The following DDX54 variants were observed in gnomAD, a reference collection of about 807,000 sequenced individuals.
The protein encoded by DDX54 is DEAD-box helicase 54.
A neutral mutation model predicts 105.5 loss-of-function variants in DDX54; 67 were observed. The observed-to-expected ratio is 0.64, with a 90% CI of 0.52 to 0.78. The LOEUF (loss-of-function observed/expected upper bound fraction) is 0.78, where lower values mean the gene tolerates loss of function less well. DDX54 is among the 30% of genes least tolerant of loss of function. The pLI, the probability that DDX54 is intolerant of heterozygous loss-of-function variation, is 0.00. For missense variants in DDX54, 1,206 were observed against 1,230.5 expected (o/e 0.98, Z 0.30); for synonymous variants, 514 against 509.9 (o/e 1.01, Z -0.11).
At chr12:113,184,933 T>C (rs1952509549) in intron 1 of DDX54, among the ~76,000 whole-genome samples, 1 of 152,126 alleles carries the variant, frequency 6.6e-6, no homozygotes, top group Non-Finnish European at 1.5e-5. Flanking sequence ...CGCTCCAAAC[T>C]CTCAAAGTCA....
rs1454202531 is a variant in DDX54, at chr12:113,172,465, G to A, written c.1167C>T (p.Cys389=). 2 of 1,614,272 alleles carry A rather than the reference G, an allele frequency of 1.2e-6. No homozygotes were observed. The highest frequency in any genetic ancestry group is 2.2e-5 in the East Asian group (1 of 44,884). ...CCAGGTCAGTCACAATGAGAGTGGA[G>A]CACTTGCCAAGCGTGAATTTGGCGA... ...INLAKFTLGK[C]STLIVTDLAA... Residue 389 remains cysteine, a synonymous_variant, in exon 11 of 20, where the codon TGC becomes TGT. Transcript: ENST00000306014.
intron 12 of DDX54, among the ~76,000 whole-genome samples, chr12:113,169,464 A>G (rs1566096218): frequency 6.6e-6 from 1 of 151,896 alleles, no homozygotes. Flanking sequence ...TAAAAATACA[A>G]TAAAAAATTT....
intron 10 of DDX54, among the ~76,000 whole-genome samples, chr12:113,173,244 G>A (rs532453231): frequency 3.8e-4 from 58 of 152,246 alleles, no homozygotes; most frequent in Non-Finnish European, 6.8e-4. Flanking sequence ...ACAGTCCCAG[G>A]TACTTCGGAG....
chr12:113,168,156 G>A (rs925991576), intron 12 of DDX54, among the ~76,000 whole-genome samples: 1 of 152,244 alleles, frequency 6.6e-6, no homozygotes, highest in Admixed American at 6.5e-5. Flanking sequence ...CTGCTATGGT[G>A]TCTGCTTTCC....
chr12:113,162,757 G>A (rs908595928), intron 17 of DDX54, 175 bp downstream of exon 17: 1 of 608,574 alleles, frequency 1.6e-6, no homozygotes, highest in Non-Finnish European at 2.8e-6. Flanking sequence ...CCCTGGGCCT[G>A]GAGGGGCAGC....
chr12:113,164,387 C>T, intron 14 of DDX54, 102 bp from the exon 15 acceptor site: 1 of 1,380,438 alleles, frequency 7.2e-7, no homozygotes, highest in Non-Finnish European at 9.6e-7. Flanking sequence ...CCAAGTCTTC[C>T]CCAGTGTCCA....
At chr12:113,178,844 T>G in intron 5 of DDX54, 133 bp downstream of exon 5, 1 of 1,240,970 alleles carries the variant, frequency 8.1e-7, no homozygotes, top group African/African-American at 1.5e-5. Context: ...GGCCCGGCCT[T>G]GTTGGGTTTT....
intron 17 of DDX54, 54 bp downstream of exon 17, chr12:113,162,878 G>C (rs1952226338): frequency 2.9e-5 from 43 of 1,495,212 alleles, no homozygotes; most frequent in Non-Finnish European, 3.8e-5. Flanking sequence ...CGGAGGAGCA[G>C]CTCACTCGGT....
Position 113,185,263 on chromosome 12 carries a change from G to T in DDX54, c.174+15C>A. 1 of 1,537,266 alleles carries T rather than the reference G, an allele frequency of 6.5e-7. No individual in the cohort carries two copies. On this transcript the variant is annotated intron_variant, in intron 1 of 19. Transcript: ENST00000306014. ...GTCTCGGGCCCGAACATGCGTCCCA[G>T]CCCCACGCGCCTACCTTCCGGGCCC...
chr12:113,164,434 C>T, intron 14 of DDX54, 149 bp from the exon 15 acceptor site: 1 of 1,024,434 alleles, frequency 9.8e-7, no homozygotes, highest in Admixed American at 2.8e-5. Context: ...CAGACCCAGA[C>T]CAGGCGCAGT....
In DDX54 at chr12:113,179,172, C is replaced by T; in HGVS notation, c.535G>A (p.Ala179Thr). The part of the protein sequence containing the change: ...ALILSPTREL[A>T]LQTLKFTKEL... The stretch of plus-strand genomic sequence containing the variant: ...TTAGTGAACTTCAGGGTCTGCAGGG[C>T]CAGCTCTCGGGTCGGCGAGAGGATG... The change falls in exon 4 of 20, where the codon GCC becomes ACC. Residue 179 changes from alanine (A) to threonine (T), a missense_variant. Physicochemically the swap from Ala to Thr is moderately conservative, Grantham distance 58. Coordinates refer to ENST00000306014, the MANE Select transcript of DDX54 (RefSeq NM_024072.4). 1 of 1,614,096 alleles carries T rather than the reference C, an allele frequency of 6.2e-7. No individual in the cohort carries two copies. Among genetic ancestry groups the T allele is most frequent in the Non-Finnish European group, 8.5e-7 (1 of 1,180,014 alleles).
intron 1 of DDX54, among the ~76,000 whole-genome samples, chr12:113,183,959 T>C (rs934777144): frequency 6.6e-6 from 1 of 152,116 alleles, no homozygotes; most frequent in African/African-American, 2.4e-5. Flanking sequence ...CTAATTTTTA[T>C]TTTTTGAGAC....
At chr12:113,171,680 C>T (rs1952341831) in intron 11 of DDX54, among the ~76,000 whole-genome samples, 1 of 151,802 alleles carries the variant, frequency 6.6e-6, no homozygotes, top group African/African-American at 2.4e-5. Context: ...CTCCACTGCA[C>T]ACTGGGAAAT....
At chr12:113,177,294 G>A in intron 5 of DDX54, 1 of 590,696 alleles carries the variant, frequency 1.7e-6, no homozygotes, top group Non-Finnish European at 3.0e-6. Flanking sequence ...GCAAAAGAAT[G>A]GTAACAACAG....
chr12:113,161,083 G>A (rs935319446), intron 19 of DDX54, among the ~76,000 whole-genome samples, 187 bp downstream of exon 19: 3 of 124,586 alleles, frequency 2.4e-5, no homozygotes, highest in African/African-American at 8.9e-5. Flanking sequence ...GTAGGAAGGG[G>A]GAAACTGTGG....
chr12:113,172,544 A>T lies in DDX54; in HGVS notation c.1088T>A (p.Val363Glu), dbSNP rs747882420. 3.1e-6 allele frequency: 5 copies of T among 1,614,116 alleles called. No individual in the cohort carries two copies. The East Asian group carries it at 1.1e-4, about 36-fold the overall frequency. ...GGCACTGTAGATGTGGGCGCAGCTC[A>T]CCCGCTGGGTCGTCAGCAGCTGCTC... ...YLTELLTTQR[V>E]SCAHIYSALD... Residue 363 changes from valine to glutamate, a missense_variant, in exon 11 of 20, where the codon GTG (valine) becomes GAG (glutamate). Physicochemically the swap from Val to Glu is moderately radical, Grantham distance 121 (BLOSUM62 -2). This residue lies in a region of DDX54 where 961 missense variants were observed against 1,019.1 expected (regional missense o/e 0.94). Coordinates refer to ENST00000306014, the MANE Select transcript of DDX54 (RefSeq NM_024072.4).
chr12:113,177,124 G>T, intron 5 of DDX54, 31 bp from the exon 6 acceptor site: 1 of 1,610,572 alleles, frequency 6.2e-7, no homozygotes. Context: ...TAGCTTGATA[G>T]AACAGGTCTC....
chr12:113,165,671 G>C lies in DDX54; in HGVS notation c.1692C>G (p.Asp564Glu). 1 of 1,613,160 alleles carries C rather than the reference G, an allele frequency of 6.2e-7. No individual in the cohort carries two copies. Among genetic ancestry groups the C allele is most frequent in the Non-Finnish European group, 8.5e-7 (1 of 1,179,574 alleles). Reference sequence around the variant, plus strand: ...CCCGGGAGCGGTAGTTCTTTATGCTGTCCACCAGCCTCAGCCGCTGCAGCT... The same window carrying C: ...CCCGGGAGCGGTAGTTCTTTATGCTCTCCACCAGCCTCAGCCGCTGCAGCT... ...EEELQRLRLV[D>E]SIKNYRSRAT... The change falls in exon 14 of 20, where the codon GAC becomes GAG. Residue 564 changes from aspartate (D) to glutamate (E), a missense_variant. This residue lies in a region of DDX54 where 961 missense variants were observed against 1,019.1 expected (regional missense o/e 0.94). Transcript: ENST00000306014.
chr12:113,172,068 G>A (rs1952346081), intron 11 of DDX54, among the ~76,000 whole-genome samples: 2 of 151,570 alleles, frequency 1.3e-5, no homozygotes, highest in Non-Finnish European at 2.9e-5. Flanking sequence ...AAATAGAACA[G>A]CTGTATGGGT....
Sources: gnomAD v4.1 joint callset for allele counts (sites outside exome capture counted in the v4.1 genomes callset) on GRCh38, gnomAD v4.1.1 for gene constraint, gnomAD v4.1.1 regional missense constraint, MANE v1.5 for transcripts, NCBI Gene and HGNC (gene_info 2026-07-23, HGNC 2026-07-21) for gene names.